The following FLT1 variants were observed in gnomAD, a reference collection of about 807,000 sequenced individuals.
FLT1 encodes vascular endothelial growth factor receptor 1.
In FLT1, 49 loss-of-function variants were observed where a neutral mutation model predicts 156.3. That is an observed-to-expected ratio of 0.31 (90% CI 0.25 to 0.40). FLT1 has a LOEUF of 0.40. Ranked by LOEUF, FLT1 falls within the 10% of genes least tolerant of loss-of-function variation. The pLI, the probability that FLT1 is intolerant of heterozygous loss-of-function variation, is 1.00. For missense variants in FLT1, 1,322 were observed against 1,637.2 expected (o/e 0.81, Z 3.32); for synonymous variants, 594 against 583.8 (o/e 1.02, Z -0.25).
At chr13:28,325,335 A>C (rs17086555) in intron 20 of FLT1, among the ~76,000 whole-genome samples, 3,416 of 152,102 alleles carry the variant, frequency 0.022, 129 homozygotes, top group African/African-American at 0.078. Context: ...TGCTTTTTTC[A>C]CCTCATTTAG....
intron 15 of FLT1, among the ~76,000 whole-genome samples, chr13:28,347,696 C>T (rs1359525200): frequency 1.3e-5 from 2 of 152,200 alleles, no homozygotes; most frequent in Non-Finnish European, 2.9e-5. Flanking sequence ...AATGCACAAG[C>T]TGGAAACCTG....
At chr13:28,412,996 G>A in intron 10 of FLT1, among the ~76,000 whole-genome samples, 1 of 152,132 alleles carries the variant, frequency 6.6e-6, no homozygotes, top group East Asian at 1.9e-4. Context: ...CCTTCAGGGT[G>A]GTCACAGGGT....
Position 28,317,508 on chromosome 13 carries a change from T to C in FLT1, c.3376A>G (p.Thr1126Ala), listed in dbSNP as rs1049797328. The change falls in exon 25 of 30, where the codon ACT becomes GCT. Residue 1126 changes from threonine (T) to alanine (A), a missense_variant. Around this residue, in one of 3 missense-constraint regions of FLT1, gnomAD observed 329 missense variants for 366.2 expected, o/e 0.90. Transcript: ENST00000282397. Reference protein sequence around the residue: ...GMRMRAPEYSTPEIYQIMLDC... With the variant: ...GMRMRAPEYSAPEIYQIMLDC... ...GCACCAAGGGCTCACATTTCAGGAG[T>C]AGAGTACTCAGGAGCTCTCATCCTC... 5.0e-6 allele frequency: 8 copies of C among 1,608,404 alleles called. No individual in the cohort carries two copies. The highest frequency in any genetic ancestry group is 1.3e-5 in the African/African-American group (1 of 74,732).
At position 28,446,190 on chromosome 13, in the gene FLT1, C is replaced by T. The variant is rs866839586; in HGVS notation, c.389-7845G>A. 7.9e-5 allele frequency among the ~76,000 whole-genome samples: 12 copies of T among 152,288 alleles called. 1 individual carries two copies. The South Asian group carries it at 1.0e-3, about 13-fold the overall frequency. ...TAAATGGCATCTAGAAAAAACCCTA[C>T]GTCTAACATCATATTTAATGGTGAA... On this transcript the variant is annotated intron_variant, in intron 3 of 29. Transcript: ENST00000282397.
In FLT1 at chr13:28,434,094, G is replaced by A. The variant is rs1292266122; in HGVS notation, c.640C>T (p.His214Tyr). The A allele has an allele frequency of 2.5e-6, 4 of 1,614,002 alleles. No individual in the cohort carries two copies. Among genetic ancestry groups the A allele is most frequent in the South Asian group, 1.1e-5 (1 of 91,086 alleles). The change falls in exon 5 of 30, where the codon CAT becomes TAT. Residue 214 changes from histidine to tyrosine, a missense_variant. This residue lies in a region of FLT1 where 991 missense variants were observed against 1,254.8 expected (regional missense o/e 0.79). Coordinates refer to ENST00000282397, the MANE Select transcript of FLT1 (RefSeq NM_002019.4). ...LLTCEATVNG[H>Y]LYKTNYLTHR... The stretch of plus-strand genomic sequence containing the variant: ...GTGAGATAGTTTGTCTTATACAAAT[G>A]CCCATTGACTGTTGCTTCACAGGTC...
intron 3 of FLT1, among the ~76,000 whole-genome samples, chr13:28,447,143 A>T (rs368108109): frequency 1.6e-5 from 1 of 64,140 alleles, no homozygotes. Context: ...TATAAAAAAT[A>T]TATATTTTAT....
chr13:28,340,575 T>A (rs1872295978), intron 16 of FLT1, among the ~76,000 whole-genome samples: 1 of 152,204 alleles, frequency 6.6e-6, no homozygotes, highest in South Asian at 2.1e-4. Context: ...TTATGTAAAC[T>A]TCATTTAAAT....
At chr13:28,476,733 A>C (rs931670203) in intron 1 of FLT1, among the ~76,000 whole-genome samples, 1 of 152,224 alleles carries the variant, frequency 6.6e-6, no homozygotes, top group Non-Finnish European at 1.5e-5. Context: ...TCTTGAATCC[A>C]GGTGTCAAAA....
At chr13:28,307,209 G>A (rs1012320992) in intron 28 of FLT1, among the ~76,000 whole-genome samples, 1 of 152,088 alleles carries the variant, frequency 6.6e-6, no homozygotes, top group Non-Finnish European at 1.5e-5. Flanking sequence ...GAACTCAATG[G>A]AATTCTCAGC....
chr13:28,409,919 A>C (rs1876046183), intron 10 of FLT1, among the ~76,000 whole-genome samples: 1 of 152,034 alleles, frequency 6.6e-6, no homozygotes, highest in Admixed American at 6.5e-5. Context: ...AAATTTGCTA[A>C]ACATCTCTCA....
chr13:28,488,927 A>T (rs1881325576), intron 1 of FLT1, among the ~76,000 whole-genome samples: 1 of 152,208 alleles, frequency 6.6e-6, no homozygotes, highest in South Asian at 2.1e-4. Flanking sequence ...GTCAAACCCT[A>T]AAATTTGAGG....
At chr13:28,398,740 G>A (rs1875225078) in intron 11 of FLT1, among the ~76,000 whole-genome samples, 1 of 152,168 alleles carries the variant, frequency 6.6e-6, no homozygotes, top group South Asian at 2.1e-4. Context: ...CATTTATTGA[G>A]TGATTATCAA....
intron 3 of FLT1, among the ~76,000 whole-genome samples, chr13:28,443,005 G>A (rs1178953549): frequency 1.3e-5 from 2 of 152,114 alleles, no homozygotes; most frequent in Non-Finnish European, 2.9e-5. Flanking sequence ...AGACCAAATT[G>A]GCTGGTTGTT....
chr13:28,407,307 C>A (rs1268637323), intron 10 of FLT1, among the ~76,000 whole-genome samples: 1 of 152,126 alleles, frequency 6.6e-6, no homozygotes, highest in Admixed American at 6.5e-5. Flanking sequence ...GATACACCCC[C>A]ATATACCCGC....
intron 14 of FLT1, among the ~76,000 whole-genome samples, chr13:28,378,386 A>G (rs1395058380): frequency 1.3e-5 from 2 of 152,170 alleles, no homozygotes; most frequent in African/African-American, 2.4e-5. Context: ...GCAGATATTC[A>G]TTGTTTTAAA....
At chr13:28,441,577 TC>T (rs1878335847) in intron 3 of FLT1, among the ~76,000 whole-genome samples, 1 of 152,160 alleles carries the variant, frequency 6.6e-6, no homozygotes, top group African/African-American at 2.4e-5. Context: ...ATACTCATCA[TC>T]TTAACTATCA....
At chr13:28,426,572 G>A (rs947231037) in intron 10 of FLT1, among the ~76,000 whole-genome samples, 1 of 152,196 alleles carries the variant, frequency 6.6e-6, no homozygotes, top group Non-Finnish European at 1.5e-5. Context: ...TTCATACTGA[G>A]GGGGAAGAAG....
intron 10 of FLT1, among the ~76,000 whole-genome samples, chr13:28,410,958 A>G (rs1402273434): frequency 6.6e-6 from 1 of 152,074 alleles, no homozygotes; most frequent in Non-Finnish European, 1.5e-5. Context: ...ACCTCCCCAG[A>G]CCTTTCCCAC....
At chr13:28,425,629 A>T (rs1307095797) in intron 10 of FLT1, among the ~76,000 whole-genome samples, 1 of 152,332 alleles carries the variant, frequency 6.6e-6, no homozygotes, top group South Asian at 2.1e-4. Context: ...TAGATTTAAT[A>T]TTGCCAAAAC....
Sources: allele counts gnomAD v4.1 joint callset (sites outside exome capture counted in the v4.1 genomes callset), GRCh38; gene constraint gnomAD v4.1.1; regional missense constraint gnomAD v4.1.1; transcripts MANE v1.5; gene names NCBI Gene and HGNC (gene_info 2026-07-23, HGNC 2026-07-21).